The following GABRG3 variants were observed in gnomAD, a reference collection of about 807,000 sequenced individuals.
GABRG3 encodes the protein gamma-aminobutyric acid receptor subunit gamma-3.
A neutral mutation model predicts 48.8 loss-of-function variants in GABRG3; 25 were observed. The observed-to-expected ratio is 0.51, with a 90% CI of 0.37 to 0.72. The LOEUF (loss-of-function observed/expected upper bound fraction) is 0.72, where lower values mean the gene tolerates loss of function less well. GABRG3 is among the 30% of genes least tolerant of loss of function. GABRG3 has a pLI of 0.00. For missense variants in GABRG3, 394 were observed against 577.9 expected, an observed-to-expected ratio of 0.68 and a Z score of 3.26; for synonymous variants, 227 against 217.6, an observed-to-expected ratio of 1.04 and a Z score of -0.38.
chr15:27,028,244 A>G (rs1386807554), intron 3 of GABRG3, among the ~76,000 whole-genome samples: 3 of 152,070 alleles, frequency 2.0e-5, no homozygotes, highest in African/African-American at 7.2e-5. Flanking sequence ...CTGAAACTTG[A>G]CGGATAGGCA....
In GABRG3 at chr15:27,171,562, G is replaced by GTA. The variant is rs961177099; in HGVS notation, c.270+144754_270+144755dup. 1.8e-3 allele frequency among the ~76,000 whole-genome samples: 245 copies of GTA among 136,504 alleles called. 1 individual carries two copies. The highest frequency in any genetic ancestry group is 7.7e-3 in the South Asian group (33 of 4,278). The allele number at this position is 136,504 out of a possible 152,430, so 89.6% of individuals were successfully genotyped here. A position where few individuals can be genotyped will look rare whatever the true frequency, so the allele number is the denominator to read the frequency against. On this transcript the variant is annotated intron_variant, in intron 3 of 9. Coordinates refer to ENST00000615808, the MANE Select transcript of GABRG3 (RefSeq NM_033223.5). The stretch of plus-strand genomic sequence containing the variant: ...TATACACATGTATATATATGTATAT[G>GTA]TATATATATATATAGAGAGAGAGAG...
At chr15:27,091,435 T>C (rs1398381346) in intron 3 of GABRG3, among the ~76,000 whole-genome samples, 1 of 152,212 alleles carries the variant, frequency 6.6e-6, no homozygotes, top group Non-Finnish European at 1.5e-5. Flanking sequence ...TCTGTCGTTT[T>C]CTTTTCTTGT....
intron 4 of GABRG3, among the ~76,000 whole-genome samples, chr15:27,328,078 T>G (rs530171605): frequency 1.9e-4 from 29 of 152,008 alleles, no homozygotes; most frequent in African/African-American, 7.0e-4. Flanking sequence ...AATCCTCATT[T>G]TGCCAGGGAG....
At chr15:27,060,599 A>G (rs1052971519) in intron 3 of GABRG3, among the ~76,000 whole-genome samples, 6 of 152,204 alleles carry the variant, frequency 3.9e-5, no homozygotes, top group African/African-American at 1.4e-4. Flanking sequence ...TGAAACGTTA[A>G]GTGGCGTGGG....
At chr15:27,309,375 G>A (rs1199323449) in intron 3 of GABRG3, among the ~76,000 whole-genome samples, 1 of 151,706 alleles carries the variant, frequency 6.6e-6, no homozygotes, top group Non-Finnish European at 1.5e-5. Flanking sequence ...GTAGATATGG[G>A]TAAGGTATTT....
intron 3 of GABRG3, among the ~76,000 whole-genome samples, chr15:27,207,127 A>G (rs1325163252): frequency 1.3e-5 from 2 of 152,156 alleles, no homozygotes; most frequent in Non-Finnish European, 2.9e-5. Context: ...TTGATTGTGT[A>G]GTTGCTTTAT....
intron 7 of GABRG3, among the ~76,000 whole-genome samples, chr15:27,526,630 C>G (rs1891282896): frequency 6.6e-6 from 1 of 152,130 alleles, no homozygotes; most frequent in Non-Finnish European, 1.5e-5. Flanking sequence ...CCCTTCTAAG[C>G]TATCCATCTC....
rs192775776 is a variant in GABRG3 at position 27,319,143 on chromosome 15, C to T, written c.271-7666C>T. Among the ~76,000 whole-genome samples the T allele has an allele frequency of 3.3e-5, 5 of 152,238 alleles. No homozygotes were observed. The highest frequency in any genetic ancestry group is 7.2e-5 in the African/African-American group (3 of 41,516). On this transcript the variant is annotated intron_variant, in intron 3 of 9. Transcript: ENST00000615808. The surrounding 1 kb of genome is among the most constrained non-coding windows in gnomAD (Gnocchi z 4.4). The stretch of plus-strand genomic sequence containing the variant: ...TGTGGTAACGATTTCACAATGTACA[C>T]GTATGTCAAATCATCACATCATGCA...
At chr15:27,033,892 C>A (rs1464822576) in intron 3 of GABRG3, among the ~76,000 whole-genome samples, 1 of 152,136 alleles carries the variant, frequency 6.6e-6, no homozygotes, top group African/African-American at 2.4e-5. Flanking sequence ...AATTTTGTGA[C>A]ACTTTCAGTT....
intron 3 of GABRG3, among the ~76,000 whole-genome samples, chr15:27,211,048 A>G (rs565149399): frequency 1.3e-5 from 2 of 152,312 alleles, no homozygotes; most frequent in Non-Finnish European, 1.5e-5. Flanking sequence ...AAGGGAGTAG[A>G]TTTTTGTCAT....
At chr15:27,407,427 T>C (rs1459949539) in intron 5 of GABRG3, among the ~76,000 whole-genome samples, 1 of 152,106 alleles carries the variant, frequency 6.6e-6, no homozygotes, top group Non-Finnish European at 1.5e-5. Flanking sequence ...CTAAACATAC[T>C]CTTACCATGT....
At chr15:27,526,305 C>T (rs951047964) in intron 7 of GABRG3, among the ~76,000 whole-genome samples, 7 of 152,180 alleles carry the variant, frequency 4.6e-5, no homozygotes, top group South Asian at 4.1e-4. Context: ...AAACAGAGGC[C>T]GTGATGCTGC....
In GABRG3 at chr15:27,307,421, A is replaced by C. The variant is rs1312139997; in HGVS notation, c.271-19388A>C. Among the ~76,000 whole-genome samples, 16 of 53,668 alleles carry C rather than the reference A, an allele frequency of 3.0e-4. 1 individual carries two copies. The highest frequency in any genetic ancestry group is 4.2e-4 in the Non-Finnish European group (8 of 19,090). 35.2% of individuals were successfully genotyped at this position (53,668 alleles called of 152,430 possible). A position where few individuals can be genotyped will look rare whatever the true frequency, so the allele number is the denominator to read the frequency against. On this transcript the variant is annotated intron_variant, in intron 3 of 9. Coordinates refer to ENST00000615808, the MANE Select transcript of GABRG3 (RefSeq NM_033223.5). ...TAGGTTTATATATTTATATATAAAC[A>C]TATAGGTTTATATATTTATATATAA...
chr15:27,187,910 A>G (rs1888151337), intron 3 of GABRG3, among the ~76,000 whole-genome samples: 3 of 119,418 alleles, frequency 2.5e-5, no homozygotes, highest in Admixed American at 1.2e-4. Flanking sequence ...CCAGAGTGTG[A>G]TGTTCCCCTT....
chr15:27,193,739 A>G (rs2075817593), intron 3 of GABRG3, among the ~76,000 whole-genome samples: 3 of 152,128 alleles, frequency 2.0e-5, no homozygotes, highest in Non-Finnish European at 2.9e-5. Context: ...ACCTGCGCCC[A>G]CTGTCTGGCA....
chr15:27,138,214 A>G (rs1483169288), intron 3 of GABRG3, among the ~76,000 whole-genome samples: 1 of 152,192 alleles, frequency 6.6e-6, no homozygotes, highest in African/African-American at 2.4e-5. Context: ...CCAACTTTAG[A>G]CACAAACAAT....
chr15:27,232,410 T>C (rs1889826501), intron 3 of GABRG3, among the ~76,000 whole-genome samples: 1 of 152,220 alleles, frequency 6.6e-6, no homozygotes, highest in Non-Finnish European at 1.5e-5. Flanking sequence ...AGCTGTCATC[T>C]TACCCGGGCG....
chr15:27,351,085 A>AGTGTGTGTATGGT (rs1049278863), intron 5 of GABRG3, among the ~76,000 whole-genome samples: 3 of 127,240 alleles, frequency 2.4e-5, no homozygotes, highest in East Asian at 4.9e-4. Flanking sequence ...GTGTGTGTAT[A>AGTGTGTGTATGGT]GTGTGTGTAT....
At chr15:27,093,528 G>A (rs1281546070) in intron 3 of GABRG3, among the ~76,000 whole-genome samples, 1 of 152,182 alleles carries the variant, frequency 6.6e-6, no homozygotes, top group East Asian at 1.9e-4. Flanking sequence ...GCCCAGTCCT[G>A]AGTGTGCATT....
Sources: allele counts gnomAD v4.1 joint callset (sites outside exome capture counted in the v4.1 genomes callset), GRCh38; gene constraint gnomAD v4.1.1; non-coding constraint Gnocchi (gnomAD v3.1); transcripts MANE v1.5; gene names NCBI Gene and HGNC (gene_info 2026-07-23, HGNC 2026-07-21).